ARID5B: variants seen among roughly 807,000 people sequenced by gnomAD.
The protein encoded by ARID5B is AT-rich interactive domain-containing protein 5B.
ARID5B carries 13 observed loss-of-function variants against 97.2 expected under a neutral mutation model. That is an observed-to-expected ratio of 0.13 (90% confidence interval 0.09 to 0.21). The LOEUF is 0.21. Among genes scored for constraint, ARID5B ranks in the 10% least tolerant of loss-of-function variants. The probability of loss-of-function intolerance (pLI) is 1.00; values close to 1 mark genes in which losing one functional copy is unlikely to be tolerated. For missense variants in ARID5B, 1,210 were observed against 1,465.3 expected, an observed-to-expected ratio of 0.83 and a Z score of 2.84; for synonymous variants, 556 against 570.3, an observed-to-expected ratio of 0.97 and a Z score of 0.36.
chr10:62,049,542 T>A, intron 4 of ARID5B: 1 of 1,549,500 alleles, frequency 6.5e-7, no homozygotes, highest in Non-Finnish European at 8.7e-7. Context: ...CCTTTGGTAA[T>A]TCCAGGCTGG....
intron 2 of ARID5B, among the ~76,000 whole-genome samples, chr10:61,927,491 C>G (rs1844127898): frequency 6.6e-6 from 1 of 152,112 alleles, no homozygotes; most frequent in Non-Finnish European, 1.5e-5. Context: ...AGATGATGTA[C>G]CATTAAAATA....
chr10:61,997,372 A>G (rs1237377721), intron 3 of ARID5B, among the ~76,000 whole-genome samples: 1 of 152,090 alleles, frequency 6.6e-6, no homozygotes, highest in Non-Finnish European at 1.5e-5. Context: ...TGGCATCATC[A>G]TGAAAAATGG....
At chr10:62,087,315 A>AAAAAAG (rs1417312293) in intron 9 of ARID5B, among the ~76,000 whole-genome samples, 1 of 149,650 alleles carries the variant, frequency 6.7e-6, no homozygotes, top group African/African-American at 2.4e-5. Flanking sequence ...AAAAAAAAAA[A>AAAAAAG]AAAGGAAAAA....
At chr10:62,005,760 G>T (rs1228124334) in intron 4 of ARID5B, among the ~76,000 whole-genome samples, 5 of 152,226 alleles carry the variant, frequency 3.3e-5, no homozygotes, top group Non-Finnish European at 5.9e-5. Flanking sequence ...TAAAGGATGA[G>T]CTGGACTCTG....
chr10:62,006,839 A>T (rs1839153264), intron 4 of ARID5B, among the ~76,000 whole-genome samples: 1 of 152,178 alleles, frequency 6.6e-6, no homozygotes, highest in South Asian at 2.1e-4. Flanking sequence ...TTGAAAGGAG[A>T]TTTAAAAATA....
intron 4 of ARID5B, among the ~76,000 whole-genome samples, chr10:62,038,793 C>T (rs1839597199): frequency 6.6e-6 from 1 of 152,114 alleles, no homozygotes; most frequent in South Asian, 2.1e-4. Flanking sequence ...TTAGTTTCTG[C>T]GGGTTTTTTT....
chr10:61,918,595 G>T (rs983682446), intron 2 of ARID5B, among the ~76,000 whole-genome samples: 7 of 152,192 alleles, frequency 4.6e-5, no homozygotes, highest in Non-Finnish European at 1.0e-4. Context: ...ATATTAAATA[G>T]AGTTAAACTT....
chr10:61,969,126 A>T (rs1347967506), intron 3 of ARID5B, among the ~76,000 whole-genome samples: 1 of 152,206 alleles, frequency 6.6e-6, no homozygotes, highest in Non-Finnish European at 1.5e-5. Flanking sequence ...GGATATTCTG[A>T]AAAGAGTTCC....
intron 4 of ARID5B, among the ~76,000 whole-genome samples, chr10:62,044,237 G>A (rs1255845992): frequency 6.6e-6 from 1 of 152,140 alleles, no homozygotes; most frequent in African/African-American, 2.4e-5. Flanking sequence ...ATGATATCCA[G>A]TGTGATGAGT....
chr10:61,940,221 G>A lies in ARID5B; in HGVS notation c.315G>A (p.Lys105=), dbSNP rs1260764090. 1 of 1,614,090 alleles carries A rather than the reference G, an allele frequency of 6.2e-7. No homozygotes were observed. The highest frequency in any genetic ancestry group is 8.5e-7 in the Non-Finnish European group (1 of 1,180,018). ...VIAVSEKVIV[K]LEDLVKWVHS... is the part of the protein sequence containing the mutation. ...CTGTTTCCGAAAAGGTGATTGTGAA[G>A]CTTGAAGACCTGGTCAAGTGGGTAC... Residue 105 remains lysine, a synonymous_variant, in exon 3 of 10, where the codon AAG becomes AAA. Coordinates refer to ENST00000279873, the MANE Select transcript of ARID5B (RefSeq NM_032199.3).
At position 61,959,993 on chromosome 10, in the gene ARID5B, G is replaced by A. The variant is rs74156296; in HGVS notation, c.502+19585G>A. Reference sequence around the variant, plus strand: ...GTCCATGAACTCCTTGTTAAGGACTGCTGGATGATTTCCTTTAAGAACACA... The same window carrying A: ...GTCCATGAACTCCTTGTTAAGGACTACTGGATGATTTCCTTTAAGAACACA... On this transcript the variant is annotated intron_variant, in intron 3 of 9. Coordinates refer to ENST00000279873, the MANE Select transcript of ARID5B (RefSeq NM_032199.3). 2.2e-3 allele frequency among the ~76,000 whole-genome samples: 338 copies of A among 152,268 alleles called. 2 individuals are homozygous for A. The highest frequency in any genetic ancestry group is 7.8e-3 in the African/African-American group (324 of 41,550).
intron 2 of ARID5B, among the ~76,000 whole-genome samples, chr10:61,913,609 A>G (rs1007000062): frequency 2.6e-5 from 4 of 152,144 alleles, no homozygotes; most frequent in Non-Finnish European, 5.9e-5. Flanking sequence ...AAAGTAGGCA[A>G]GTGCTTCCCG....
intron 4 of ARID5B, among the ~76,000 whole-genome samples, chr10:62,006,937 C>T (rs754807262): frequency 1.2e-4 from 18 of 151,994 alleles, no homozygotes; most frequent in Admixed American, 3.3e-4. Context: ...TTGTTCACGC[C>T]GTAAGAAATG....
At chr10:62,016,794 G>A (rs765555917) in intron 4 of ARID5B, among the ~76,000 whole-genome samples, 11 of 152,088 alleles carry the variant, frequency 7.2e-5, no homozygotes, top group Non-Finnish European at 1.2e-4. Flanking sequence ...AAATATTTGG[G>A]GTGTTTCAGT....
chr10:61,972,736 T>C (rs965055139), intron 3 of ARID5B, among the ~76,000 whole-genome samples: 7 of 152,164 alleles, frequency 4.6e-5, no homozygotes, highest in Non-Finnish European at 1.0e-4. Flanking sequence ...TGAAGTCATA[T>C]TATTATTTCT....
intron 4 of ARID5B, among the ~76,000 whole-genome samples, chr10:62,013,434 CT>C (rs1382566180): frequency 6.6e-6 from 1 of 151,998 alleles, no homozygotes; most frequent in East Asian, 1.9e-4. Context: ...ACATACTTAA[CT>C]TTTTTTGTAA....
intron 3 of ARID5B, among the ~76,000 whole-genome samples, chr10:61,960,088 C>A (rs1242842055): frequency 6.6e-6 from 1 of 152,128 alleles, no homozygotes; most frequent in South Asian, 2.1e-4. Context: ...TGGGTTTCCT[C>A]TTTCAGATTG....
Position 62,092,924 on chromosome 10 carries a change from A to G in ARID5B, c.3461A>G (p.Tyr1154Cys), listed in dbSNP as rs757523047. 1 of 1,614,184 alleles carries G rather than the reference A, an allele frequency of 6.2e-7. No homozygotes were observed. The highest frequency in any genetic ancestry group is 1.1e-5 in the South Asian group (1 of 91,084). Residue 1154 changes from tyrosine to cysteine, a missense_variant, in exon 10 of 10, where the codon TAT becomes TGT. Physicochemically the swap from Tyr to Cys is radical, Grantham distance 194. Coordinates refer to ENST00000279873, the MANE Select transcript of ARID5B (RefSeq NM_032199.3). ...GCGGCTACACCTGTAGGAAGTTCAT[A>G]TGGGGACCTTTTGCATAACAGCATT... ...LAAATPVGSS[Y>C]GDLLHNSIYP...
At chr10:62,033,848 C>T (rs1303676119) in intron 4 of ARID5B, among the ~76,000 whole-genome samples, 1 of 152,086 alleles carries the variant, frequency 6.6e-6, no homozygotes, top group Non-Finnish European at 1.5e-5. Context: ...TAAATTCAGC[C>T]CGGAGAGAGA....
Sources: allele counts gnomAD v4.1 joint callset (sites outside exome capture counted in the v4.1 genomes callset), GRCh38; gene constraint gnomAD v4.1.1; transcripts MANE v1.5; gene names NCBI Gene and HGNC (gene_info 2026-07-23, HGNC 2026-07-21).